Variants in EFHD1 observed in about 807,000 individuals in gnomAD.
EFHD1 encodes EF-hand domain family member D1, also known as EF-hand domain-containing protein D1.
A neutral mutation model predicts 17.2 loss-of-function variants in EFHD1; 10 were observed. The observed-to-expected ratio is 0.58, with a 90% CI of 0.36 to 0.99. EFHD1 has a LOEUF of 0.99. Among genes scored for constraint, EFHD1 ranks in the 50% least tolerant of loss-of-function variants. EFHD1 has a pLI of 0.01. For missense variants in EFHD1, 310 were observed against 327.5 expected (o/e 0.95, Z 0.41); for synonymous variants, 153 against 142.0 (o/e 1.08, Z -0.55).
At chr2:232,638,302 A>G (rs1694356517) in intron 1 of EFHD1, 1 of 469,220 alleles carries the variant, frequency 2.1e-6, no homozygotes, top group Non-Finnish European at 4.4e-6. Context: ...CTTAAAATGC[A>G]GCCGCAAGGT....
intron 2 of EFHD1, among the ~76,000 whole-genome samples, chr2:232,664,630 T>C (rs1694936995): frequency 7.1e-6 from 1 of 141,632 alleles, no homozygotes; most frequent in Non-Finnish European, 1.5e-5. Context: ...TTTTTTTTTT[T>C]TGAGATGGAG....
intron 1 of EFHD1, among the ~76,000 whole-genome samples, chr2:232,635,677 G>T (rs1694306398): frequency 6.6e-6 from 1 of 152,164 alleles, no homozygotes; most frequent in Non-Finnish European, 1.5e-5. Context: ...GAATTAGCCG[G>T]GAGTGGTGGC....
chr2:232,638,008 T>C lies in EFHD1; in HGVS notation c.302+4002T>C, dbSNP rs972456083. The C allele has an allele frequency of 2.0e-5, 4 of 198,224 alleles. No homozygotes were observed. In the East Asian group the frequency reaches 3.5e-4, roughly 18 times the overall value. 12.3% of individuals were successfully genotyped at this position (198,224 alleles called of 1,614,324 possible). A position where few individuals can be genotyped will look rare whatever the true frequency, so the allele number is the denominator to read the frequency against. ...AGAAGAAAGAGTGTTTTCTAATGAG[T>C]GTGGGAAGCCAGAGGCACCATCAGC... On this transcript the variant is annotated intron_variant, in intron 1 of 3. Coordinates refer to ENST00000264059, the MANE Select transcript of EFHD1 (RefSeq NM_025202.4).
intron 1 of EFHD1, among the ~76,000 whole-genome samples, chr2:232,637,406 C>T (rs1036952451): frequency 8.6e-4 from 124 of 143,940 alleles, no homozygotes; most frequent in African/African-American, 3.1e-3. Context: ...TGCAGTGGTG[C>T]GATCTTGGCT....
At chr2:232,664,060 G>T (rs983616688) in intron 2 of EFHD1, among the ~76,000 whole-genome samples, 10 of 152,090 alleles carry the variant, frequency 6.6e-5, no homozygotes, top group Non-Finnish European at 1.5e-4. Flanking sequence ...CCAAAGTGCT[G>T]GGATTACAGT....
chr2:232,638,733 A>G (rs1438002829), intron 1 of EFHD1, among the ~76,000 whole-genome samples: 1 of 152,230 alleles, frequency 6.6e-6, no homozygotes, highest in African/African-American at 2.4e-5. Context: ...GGGTGGAAAT[A>G]AAAGGAAGAA....
intron 1 of EFHD1, among the ~76,000 whole-genome samples, chr2:232,654,377 ACC>A (rs929030430): frequency 6.7e-6 from 1 of 148,716 alleles, no homozygotes; most frequent in Admixed American, 6.7e-5. Flanking sequence ...CTCAGTTCGA[ACC>A]CCAGAGGTAA....
At chr2:232,679,965 A>G (rs1306264519) in intron 3 of EFHD1, among the ~76,000 whole-genome samples, 1 of 152,064 alleles carries the variant, frequency 6.6e-6, no homozygotes, top group African/African-American at 2.4e-5. Flanking sequence ...GAGCAATTTA[A>G]TAGTCTATTT....
chr2:232,646,218 G>A (rs1395860178), intron 1 of EFHD1, among the ~76,000 whole-genome samples: 1 of 151,976 alleles, frequency 6.6e-6, no homozygotes, highest in Non-Finnish European at 1.5e-5. Flanking sequence ...ATTGCCCAAG[G>A]AAAAAAGTCT....
intron 1 of EFHD1, among the ~76,000 whole-genome samples, chr2:232,645,371 C>T (rs1694509672): frequency 6.6e-6 from 1 of 152,170 alleles, no homozygotes; most frequent in South Asian, 2.1e-4. Flanking sequence ...CCCCACCCCA[C>T]AGGGCCGTAG....
chr2:232,616,782 C>G (rs1433214342), intron 1 of EFHD1, among the ~76,000 whole-genome samples: 1 of 152,166 alleles, frequency 6.6e-6, no homozygotes, highest in Non-Finnish European at 1.5e-5. Flanking sequence ...GTACTTAATA[C>G]TGCTGAAATG....
intron 2 of EFHD1, 38 bp downstream of exon 2, chr2:232,662,987 C>A: frequency 1.3e-6 from 2 of 1,520,244 alleles, no homozygotes; most frequent in Non-Finnish European, 1.8e-6. Flanking sequence ...CTGTGGGGTG[C>A]CCCTGAGAGG....
chr2:232,611,146 C>T (rs1693809600), intron 1 of EFHD1, among the ~76,000 whole-genome samples: 1 of 152,108 alleles, frequency 6.6e-6, no homozygotes, highest in Admixed American at 6.5e-5. Context: ...TTACTGCATT[C>T]TGGCCTGGGC....
At chr2:232,646,050 C>T (rs1017787347) in intron 1 of EFHD1, among the ~76,000 whole-genome samples, 15 of 152,214 alleles carry the variant, frequency 9.9e-5, no homozygotes, top group African/African-American at 3.4e-4. Context: ...GGACCACCTG[C>T]CCTGAGCCTG....
At chr2:232,657,089 A>G (rs183446385) in intron 1 of EFHD1, among the ~76,000 whole-genome samples, 49 of 152,326 alleles carry the variant, frequency 3.2e-4, no homozygotes, top group Non-Finnish European at 6.6e-4. Flanking sequence ...AAAATTCACC[A>G]TTTTTAACCA....
intron 1 of EFHD1, among the ~76,000 whole-genome samples, chr2:232,654,693 G>T (rs1046387075): frequency 1.3e-5 from 2 of 152,124 alleles, no homozygotes; most frequent in Admixed American, 1.3e-4. Context: ...CTCCCAAAGT[G>T]CTGGGATTAC....
intron 1 of EFHD1, among the ~76,000 whole-genome samples, chr2:232,623,696 AAG>A (rs1559339127): frequency 0.011 from 936 of 87,644 alleles, 35 homozygotes; most frequent in Admixed American, 0.03. Context: ...AAAAAAAAAG[AAG>A]AAGAAGAAGA....
chr2:232,612,732 T>A (rs1299151651), intron 1 of EFHD1, among the ~76,000 whole-genome samples: 1 of 143,414 alleles, frequency 7.0e-6, no homozygotes, highest in East Asian at 2.0e-4. Flanking sequence ...TTTTTTTCTT[T>A]TCTTTTTTTT....
At chr2:232,672,547 A>G in intron 3 of EFHD1, 104 bp downstream of exon 3, 2 of 1,481,062 alleles carry the variant, frequency 1.4e-6, no homozygotes, top group Non-Finnish European at 1.8e-6. Flanking sequence ...ACCTGCAGAA[A>G]CAGACCAGGA....
Sources: allele counts gnomAD v4.1 joint callset (sites outside exome capture counted in the v4.1 genomes callset), GRCh38; gene constraint gnomAD v4.1.1; transcripts MANE v1.5; gene names NCBI Gene and HGNC (gene_info 2026-07-23, HGNC 2026-07-21).